Variants in CSMD1 observed in about 807,000 individuals in gnomAD.
The protein encoded by CSMD1 is CUB and Sushi multiple domains 1.
Under a neutral mutation model 417.5 loss-of-function variants are expected in CSMD1, and 213 were observed. The ratio of observed to expected loss-of-function variants is 0.51; its 90% confidence interval spans 0.46 to 0.57. The LOEUF (loss-of-function observed/expected upper bound fraction) is 0.57, where lower values mean the gene tolerates loss of function less well. Ranked by LOEUF, CSMD1 falls within the 20% of genes least tolerant of loss-of-function variation. The pLI, the probability that CSMD1 is intolerant of heterozygous loss-of-function variation, is 0.00. For synonymous variants in CSMD1, 2,862 were observed against 1,736.8 expected, an observed-to-expected ratio of 1.65 and a Z score of -16.11; for missense variants, 6,923 against 4,529.7, an observed-to-expected ratio of 1.53 and a Z score of -15.17.
intron 26 of CSMD1, among the ~76,000 whole-genome samples, chr8:3,269,540 G>A (rs962109429): frequency 1.3e-5 from 2 of 152,208 alleles, no homozygotes; most frequent in Non-Finnish European, 2.9e-5. Context: ...AGGGAGAGGT[G>A]TCATGTAGCT....
Position 3,142,559 on chromosome 8 carries a change from G to C in CSMD1, c.6147C>G (p.Leu2049=). 6.2e-7 allele frequency: 1 copy of C among 1,613,964 alleles called. No individual in the cohort carries two copies. Among genetic ancestry groups the C allele is most frequent in the Non-Finnish European group, 8.5e-7 (1 of 1,179,886 alleles). Residue 2049 remains leucine (L), a synonymous_variant, in exon 41 of 70, where the codon CTC becomes CTG. Coordinates refer to ENST00000635120, the MANE Select transcript of CSMD1 (RefSeq NM_033225.6). ...GCGTTGTGCTCAGCAGGGCCGCGGGGAGATCCGTGCCGCTAAATTGTCCAA... is the reference window on the plus strand; with the variant it reads ...GCGTTGTGCTCAGCAGGGCCGCGGGCAGATCCGTGCCGCTAAATTGTCCAA... ...PMIGQFSGTD[L]PAALLSTTHE...
In CSMD1 at chr8:4,464,814, G is replaced by T. The variant is rs567656331; in HGVS notation, c.303-44749C>A. ...GAGATCAAGAAAACTGATTCTCTTT[G>T]AAGTTTTGGGAGGAAAGTATCTATG... On this transcript the variant is annotated intron_variant, in intron 2 of 69. Coordinates refer to ENST00000635120, the MANE Select transcript of CSMD1 (RefSeq NM_033225.6). Among the ~76,000 whole-genome samples the T allele has an allele frequency of 2.6e-5, 4 of 152,188 alleles. No homozygotes were observed. In the East Asian group the frequency reaches 5.8e-4, roughly 22 times the overall value.
intron 59 of CSMD1, among the ~76,000 whole-genome samples, chr8:2,965,482 T>G (rs1470066664): frequency 6.6e-6 from 1 of 152,164 alleles, no homozygotes; most frequent in Non-Finnish European, 1.5e-5. Context: ...AGCAAAGCAC[T>G]GGGGTTCAGA....
At chr8:3,516,248 C>T (rs1347241072) in intron 10 of CSMD1, among the ~76,000 whole-genome samples, 1 of 152,230 alleles carries the variant, frequency 6.6e-6, no homozygotes, top group African/African-American at 2.4e-5. Flanking sequence ...AAACCTAAGA[C>T]TCACCAGCTG....
chr8:4,022,029 G>A (rs1054471504), intron 4 of CSMD1, among the ~76,000 whole-genome samples: 1 of 151,264 alleles, frequency 6.6e-6, no homozygotes, highest in Non-Finnish European at 1.5e-5. Flanking sequence ...GGAAAGTCCA[G>A]GTGCCTATAT....
chr8:3,611,508 T>C (rs943305465), intron 8 of CSMD1, among the ~76,000 whole-genome samples: 2 of 151,618 alleles, frequency 1.3e-5, no homozygotes, highest in African/African-American at 4.8e-5. Context: ...AAAAACTGAA[T>C]GAGTCTTTTA....
intron 5 of CSMD1, among the ~76,000 whole-genome samples, chr8:3,781,601 A>C (rs1179868174): frequency 6.6e-6 from 1 of 152,188 alleles, no homozygotes; most frequent in Non-Finnish European, 1.5e-5. Flanking sequence ...ACTCTGTCCC[A>C]CAGTCTCACA....
At chr8:3,771,867 T>C (rs933443826) in intron 5 of CSMD1, among the ~76,000 whole-genome samples, 5 of 152,058 alleles carry the variant, frequency 3.3e-5, no homozygotes, top group African/African-American at 1.2e-4. Context: ...TTGCCCACTT[T>C]TGAATCTGCC....
Position 3,812,554 on chromosome 8 carries a change from A to G in CSMD1, c.819-58512T>C, listed in dbSNP as rs2720889. On this transcript the variant is annotated intron_variant, in intron 5 of 69. Coordinates refer to ENST00000635120, the MANE Select transcript of CSMD1 (RefSeq NM_033225.6). ...TCAAAAGCTAAGCTGAAATTCAACTATCCTCGGAGACCTTGCTTATGAGGA... is the reference window on the plus strand; with the variant it reads ...TCAAAAGCTAAGCTGAAATTCAACTGTCCTCGGAGACCTTGCTTATGAGGA... Among the ~76,000 whole-genome samples the G allele has an allele frequency of 2.2e-3, 340 of 152,318 alleles. 2 individuals are homozygous for G. The highest frequency in any genetic ancestry group is 8.0e-3 in the African/African-American group (332 of 41,574).
chr8:3,407,596 T>C (rs1812433850), intron 14 of CSMD1, among the ~76,000 whole-genome samples: 2 of 150,480 alleles, frequency 1.3e-5, no homozygotes, highest in South Asian at 2.1e-4. Flanking sequence ...GATAGAATGA[T>C]GGATGGATGA....
chr8:4,142,262 C>T (rs35155583), intron 3 of CSMD1, among the ~76,000 whole-genome samples: 1 of 150,696 alleles, frequency 6.6e-6, no homozygotes, highest in Non-Finnish European at 1.5e-5. Context: ...CAGGGTTTTC[C>T]TTCTACTCTT....
At chr8:4,814,965 G>T (rs1799125093) in intron 1 of CSMD1, among the ~76,000 whole-genome samples, 1 of 152,056 alleles carries the variant, frequency 6.6e-6, no homozygotes. Flanking sequence ...GAGACTGATG[G>T]ATCCTCATAT....
chr8:4,797,153 A>G (rs1017804831), intron 1 of CSMD1, among the ~76,000 whole-genome samples: 7 of 152,226 alleles, frequency 4.6e-5, no homozygotes, highest in Non-Finnish European at 1.0e-4. Flanking sequence ...AGACAAACCC[A>G]GGCAGCAGCA....
intron 1 of CSMD1, among the ~76,000 whole-genome samples, chr8:4,714,023 T>C (rs1808482732): frequency 6.6e-6 from 1 of 151,982 alleles, no homozygotes; most frequent in Non-Finnish European, 1.5e-5. Context: ...CAGGTGCCTG[T>C]AATCCCAGCT....
intron 2 of CSMD1, among the ~76,000 whole-genome samples, chr8:4,605,957 G>C (rs1300373813): frequency 1.3e-5 from 2 of 152,144 alleles, no homozygotes; most frequent in Non-Finnish European, 2.9e-5. Flanking sequence ...GTCTAAGCTA[G>C]ACCAGAGCAG....
chr8:3,126,248 C>T (rs1324968753), intron 41 of CSMD1, among the ~76,000 whole-genome samples: 1 of 152,114 alleles, frequency 6.6e-6, no homozygotes, highest in Non-Finnish European at 1.5e-5. Flanking sequence ...TCAGTGTTGG[C>T]ATATATTAGT....
intron 69 of CSMD1, among the ~76,000 whole-genome samples, chr8:2,941,463 G>C (rs1256960420): frequency 1.3e-5 from 2 of 152,118 alleles, no homozygotes; most frequent in East Asian, 1.9e-4. Flanking sequence ...ATTATTTGTA[G>C]TTAATGCTAC....
At chr8:4,363,875 G>A (rs977354806) in intron 3 of CSMD1, among the ~76,000 whole-genome samples, 2 of 152,196 alleles carry the variant, frequency 1.3e-5, no homozygotes, top group South Asian at 2.1e-4. Context: ...TGGACATAGA[G>A]AGTAAAGGAC....
chr8:3,688,416 T>C (rs1800057115), intron 7 of CSMD1, among the ~76,000 whole-genome samples: 1 of 152,224 alleles, frequency 6.6e-6, no homozygotes, highest in African/African-American at 2.4e-5. Flanking sequence ...ATTTAGATTT[T>C]AGACTTTGAA....
Sources: allele counts gnomAD v4.1 joint callset (sites outside exome capture counted in the v4.1 genomes callset), GRCh38; gene constraint gnomAD v4.1.1; transcripts MANE v1.5; gene names NCBI Gene and HGNC (gene_info 2026-07-23, HGNC 2026-07-21).